MLIP: variants seen among roughly 807,000 people sequenced by gnomAD.
The protein encoded by MLIP is muscular LMNA-interacting protein.
Under a neutral mutation model 84.8 loss-of-function variants are expected in MLIP, and 79 were observed. The ratio of observed to expected loss-of-function variants is 0.93; its 90% CI spans 0.78 to 1.12. MLIP has a LOEUF of 1.12. Among genes scored for constraint, MLIP ranks in the 50% most tolerant of loss-of-function variants. The probability of loss-of-function intolerance (pLI) is 0.00; values close to 1 mark genes in which losing one functional copy is unlikely to be tolerated. For missense variants in MLIP, 1,257 were observed against 1,160.6 expected (o/e 1.08, Z -1.21); for synonymous variants, 504 against 463.0 (o/e 1.09, Z -1.14).
chr6:54,073,106 G>A (rs1402080352), intron 1 of MLIP, among the ~76,000 whole-genome samples: 3 of 152,154 alleles, frequency 2.0e-5, no homozygotes, highest in Admixed American at 2.0e-4. Context: ...CTCCCCTGAA[G>A]TCTTGCCCAA....
At chr6:54,183,246 A>G (rs537548619) in intron 9 of MLIP, among the ~76,000 whole-genome samples, 8 of 152,312 alleles carry the variant, frequency 5.3e-5, no homozygotes, top group Admixed American at 3.3e-4. Context: ...ATTACTCCAA[A>G]TCAGGTCCAG....
At chr6:54,075,243 G>T (rs979860560) in intron 1 of MLIP, among the ~76,000 whole-genome samples, 1 of 75,502 alleles carries the variant, frequency 1.3e-5, no homozygotes, top group Admixed American at 1.6e-4. Flanking sequence ...GCCAAACTCC[G>T]TCTCAAAAAA....
chr6:54,063,292 C>A (rs930552174), intron 1 of MLIP: 8 of 151,914 alleles, frequency 5.3e-5, no homozygotes, highest in Admixed American at 3.9e-4. Context: ...CCCTCTTTTC[C>A]TCTATCACCT....
intron 1 of MLIP, among the ~76,000 whole-genome samples, chr6:54,119,037 A>G (rs1445832951): frequency 6.6e-6 from 1 of 151,930 alleles, no homozygotes; most frequent in Admixed American, 6.6e-5. Flanking sequence ...TCAGAAAAAC[A>G]AAGCATAAGT....
chr6:54,033,482 G>A (rs1003047131), intron 1 of MLIP, among the ~76,000 whole-genome samples: 1 of 152,034 alleles, frequency 6.6e-6, no homozygotes, highest in Non-Finnish European at 1.5e-5. Context: ...GGACAGGCTG[G>A]TCTTGAACTC....
At chr6:54,214,169 C>A (rs549386394) in intron 11 of MLIP, among the ~76,000 whole-genome samples, 2 of 152,258 alleles carry the variant, frequency 1.3e-5, no homozygotes, top group African/African-American at 4.8e-5. Context: ...GTTTTAAAAT[C>A]CAGCTAGTTT....
chr6:54,096,905 G>A (rs867967607), intron 1 of MLIP, among the ~76,000 whole-genome samples: 2 of 152,160 alleles, frequency 1.3e-5, no homozygotes, highest in Admixed American at 6.5e-5. Context: ...AGAGAGCTGA[G>A]CACTTCAAAC....
chr6:54,239,098 A>G (rs1781551576), intron 12 of MLIP, among the ~76,000 whole-genome samples: 1 of 151,956 alleles, frequency 6.6e-6, no homozygotes, highest in Non-Finnish European at 1.5e-5. Flanking sequence ...ATATTTCAGT[A>G]TTTATATCTG....
At chr6:54,215,483 T>C (rs1024734533) in intron 11 of MLIP, 38 of 931,438 alleles carry the variant, frequency 4.1e-5, no homozygotes, top group Non-Finnish European at 4.8e-5. Context: ...TGCAGTATAA[T>C]TGACAAAAAT....
At chr6:54,196,208 T>C (rs1778283256) in intron 10 of MLIP, among the ~76,000 whole-genome samples, 1 of 152,136 alleles carries the variant, frequency 6.6e-6, no homozygotes, top group Non-Finnish European at 1.5e-5. Context: ...TATTTTAAGT[T>C]CCAGGGTACA....
intron 11 of MLIP, among the ~76,000 whole-genome samples, chr6:54,221,916 CAA>C (rs1780248218): frequency 6.6e-6 from 1 of 151,946 alleles, no homozygotes; most frequent in Admixed American, 6.6e-5. Context: ...TATCTGATCA[CAA>C]AAAATTTATA....
At chr6:54,251,139 A>T (rs1782449437) in intron 12 of MLIP, among the ~76,000 whole-genome samples, 1 of 151,976 alleles carries the variant, frequency 6.6e-6, no homozygotes, top group Non-Finnish European at 1.5e-5. Context: ...ATTGATTAGG[A>T]CATTTTGAGT....
intron 12 of MLIP, among the ~76,000 whole-genome samples, chr6:54,252,895 A>G (rs866326688): frequency 1.1e-4 from 16 of 152,298 alleles, no homozygotes; most frequent in Admixed American, 2.6e-4. Flanking sequence ...AAGGATCTTC[A>G]GTTTTCAAAA....
In MLIP at chr6:54,149,075, G is replaced by C. The variant is rs200350443; in HGVS notation, c.2237G>C (p.Ser746Thr). The change falls in exon 5 of 14, where the codon AGC (serine) becomes ACC (threonine). Residue 746 changes from serine (S) to threonine (T), a missense_variant. Transcript: ENST00000502396. ...TTCTAGCAATACAAGACCAAGTCAAGCTACAAGGCTTTTGCAGCAATCCCT... is the reference window on the plus strand; with the variant it reads ...TTCTAGCAATACAAGACCAAGTCAACCTACAAGGCTTTTGCAGCAATCCCT... The part of the protein sequence containing the change: ...KKSKQYKTKS[S>T]YKAFAAIPTN... 4 of 1,612,874 alleles carry C rather than the reference G, an allele frequency of 2.5e-6. No homozygotes were observed. Among genetic ancestry groups the C allele is most frequent in the Non-Finnish European group, 3.4e-6 (4 of 1,179,228 alleles).
At chr6:54,235,969 G>T (rs796723877) in intron 12 of MLIP, among the ~76,000 whole-genome samples, 4 of 152,152 alleles carry the variant, frequency 2.6e-5, no homozygotes, top group African/African-American at 9.6e-5. Context: ...TTACTTTTGT[G>T]CCCCTACAGC....
chr6:54,244,449 GTT>G (rs1238059761), intron 12 of MLIP, among the ~76,000 whole-genome samples: 2 of 152,136 alleles, frequency 1.3e-5, no homozygotes, highest in Non-Finnish European at 2.9e-5. Context: ...GAATGAATGT[GTT>G]TAATTCATTC....
intron 12 of MLIP, among the ~76,000 whole-genome samples, chr6:54,232,217 A>G (rs979154632): frequency 2.6e-5 from 4 of 152,148 alleles, no homozygotes; most frequent in African/African-American, 9.6e-5. Context: ...TTCTGATAAT[A>G]CTATTACCAT....
rs188996074 is a variant in MLIP at position 54,050,027 on chromosome 6, G to C, written c.63+30936G>C. On this transcript the variant is annotated intron_variant, in intron 1 of 12. Transcript: ENST00000274897. The stretch of plus-strand genomic sequence containing the variant: ...ATTACATGATTTGATACATTGCAAA[G>C]TGGGTAGAGAGGGTTTTTCACATGG... Among the ~76,000 whole-genome samples the C allele has an allele frequency of 1.4e-4, 22 of 152,208 alleles. No homozygotes were observed. In the East Asian group the frequency reaches 4.2e-3, roughly 29 times the overall value.
chr6:54,081,205 G>A (rs1767123429), intron 1 of MLIP, among the ~76,000 whole-genome samples: 1 of 152,000 alleles, frequency 6.6e-6, no homozygotes, highest in Non-Finnish European at 1.5e-5. Context: ...CCATCCTTGG[G>A]GAGGTGTTAC....
Sources: gnomAD v4.1 joint callset for allele counts (sites outside exome capture counted in the v4.1 genomes callset) on GRCh38, gnomAD v4.1.1 for gene constraint, MANE v1.5 for transcripts, NCBI Gene and HGNC (gene_info 2026-07-23, HGNC 2026-07-21) for gene names.